The following DPYD variants were observed in gnomAD, a reference collection of about 807,000 sequenced individuals.
DPYD encodes the protein dihydropyrimidine dehydrogenase, also known as dihydropyrimidine dehydrogenase [NADP(+)].
Under a neutral mutation model 116.2 loss-of-function variants are expected in DPYD, and 109 were observed. The observed-to-expected ratio is 0.94, with a 90% CI of 0.80 to 1.10. The LOEUF is 1.10. Ranked by LOEUF, DPYD falls within the 50% of genes least tolerant of loss-of-function variation. DPYD has a pLI of 0.00. For synonymous variants in DPYD, 440 were observed against 432.0 expected (o/e 1.02, Z -0.23); for missense variants, 1,302 against 1,254.5 (o/e 1.04, Z -0.57).
rs559328656 is a variant in DPYD, at chr1:97,630,520, C to G, written c.851-35354G>C. On this transcript the variant is annotated intron_variant, in intron 8 of 22. Transcript: ENST00000370192. ...TCCTGCAGCTCGAAGCTAACAAGAC[C>G]CTGAACTGCTGCTTCTCTAGGACCT... 2.3e-3 allele frequency among the ~76,000 whole-genome samples: 344 copies of G among 152,186 alleles called. 4 individuals carry two copies. Among genetic ancestry groups the G allele is most frequent in the African/African-American group, 7.8e-3 (322 of 41,534 alleles).
chr1:97,480,152 A>G (rs1276954862), intron 13 of DPYD, among the ~76,000 whole-genome samples: 1 of 152,180 alleles, frequency 6.6e-6, no homozygotes, highest in Non-Finnish European at 1.5e-5. Context: ...AGAAATTTTA[A>G]ATCTATAAGG....
At chr1:97,321,924 G>T (rs1380086097) in intron 16 of DPYD, among the ~76,000 whole-genome samples, 1 of 35,454 alleles carries the variant, frequency 2.8e-5, no homozygotes, top group Non-Finnish European at 6.2e-5. Flanking sequence ...ATGAGTTCAT[G>T]TCCTTTGTAG....
chr1:97,616,867 T>G (rs1297441507), intron 8 of DPYD, among the ~76,000 whole-genome samples: 2 of 152,182 alleles, frequency 1.3e-5, no homozygotes, highest in Non-Finnish European at 2.9e-5. Flanking sequence ...TGATTTCTCC[T>G]AAAATTAAGG....
At chr1:97,899,716 T>TTTGA (rs1673268140) in intron 1 of DPYD, among the ~76,000 whole-genome samples, 2 of 151,916 alleles carry the variant, frequency 1.3e-5, no homozygotes, top group African/African-American at 4.8e-5. Context: ...TGGCAATACG[T>TTTGA]AATTTCTTTA....
intron 12 of DPYD, among the ~76,000 whole-genome samples, chr1:97,527,156 G>T (rs2102009866): frequency 6.6e-6 from 1 of 151,238 alleles, no homozygotes; most frequent in East Asian, 2.0e-4. Context: ...TCGGCTCACT[G>T]CAAGATCTAC....
chr1:97,902,651 A>G (rs1329437562), intron 1 of DPYD, among the ~76,000 whole-genome samples: 3 of 151,952 alleles, frequency 2.0e-5, no homozygotes, highest in East Asian at 1.9e-4. Flanking sequence ...TTTAAAGATT[A>G]AGACTGAAAA....
intron 3 of DPYD, among the ~76,000 whole-genome samples, chr1:97,794,086 C>A (rs937580314): frequency 6.6e-6 from 1 of 151,954 alleles, no homozygotes; most frequent in East Asian, 1.9e-4. Flanking sequence ...TACAGGCATG[C>A]GCCACTATGC....
At chr1:97,089,193 C>A (rs1040184018) in intron 21 of DPYD, among the ~76,000 whole-genome samples, 1 of 152,126 alleles carries the variant, frequency 6.6e-6, no homozygotes, top group African/African-American at 2.4e-5. Context: ...CATTTTCCTA[C>A]GCAGAAATTC....
At chr1:97,331,590 A>T (rs1669010703) in intron 16 of DPYD, among the ~76,000 whole-genome samples, 1 of 152,196 alleles carries the variant, frequency 6.6e-6, no homozygotes, top group Non-Finnish European at 1.5e-5. Flanking sequence ...GGTTATGGGT[A>T]GGTAATGAGA....
rs544786672 is a variant in DPYD at position 97,466,100 on chromosome 1, T to C, written c.1741-15877A>G. On this transcript the variant is annotated intron_variant, in intron 13 of 22. Coordinates refer to ENST00000370192, the MANE Select transcript of DPYD (RefSeq NM_000110.4). ...TGGATGACATGGAGAGACCCTGTTT[T>C]TAAATAAATACATAAATTGATTGAG... Among the ~76,000 whole-genome samples the C allele has an allele frequency of 2.0e-5, 3 of 152,294 alleles. No individual in the cohort carries two copies. The East Asian group carries it at 5.8e-4, about 29-fold the overall frequency.
chr1:97,838,399 G>C (rs1420720883), intron 2 of DPYD, among the ~76,000 whole-genome samples: 1 of 152,144 alleles, frequency 6.6e-6, no homozygotes, highest in East Asian at 1.9e-4. Flanking sequence ...TATTTTCCTA[G>C]AACATTAGGT....
chr1:97,598,514 T>C (rs1008538046), intron 8 of DPYD, among the ~76,000 whole-genome samples: 1 of 152,020 alleles, frequency 6.6e-6, no homozygotes, highest in African/African-American at 2.4e-5. Flanking sequence ...GTTATTGAAG[T>C]TTTTGGTGTT....
intron 13 of DPYD, among the ~76,000 whole-genome samples, chr1:97,490,598 T>C (rs1170838249): frequency 1.3e-5 from 2 of 150,082 alleles, no homozygotes; most frequent in Non-Finnish European, 3.0e-5. Context: ...GTTTAATCTC[T>C]AGAATAAAAG....
chr1:97,920,970 TC>T lies in DPYD; in HGVS notation c.-49del, dbSNP rs1215723488. Reference sequence around the variant, plus strand: ...CTGCCAGTGACAAACCCTCCTTGCGTCCTCAAGCTCCAGCCAGAGAGCCAAG... The same window carrying T: ...CTGCCAGTGACAAACCCTCCTTGCGTCTCAAGCTCCAGCCAGAGAGCCAAG... On this transcript the variant is annotated 5_prime_UTR_variant, in exon 1 of 23. Transcript: ENST00000370192. The T allele has an allele frequency of 2.4e-5, 38 of 1,557,984 alleles. No homozygotes were observed. Among genetic ancestry groups the T allele is most frequent in the Non-Finnish European group, 3.1e-5 (36 of 1,150,708 alleles).
rs1381971733 is a variant in DPYD, at chr1:97,549,607, C to T, written c.1477G>A (p.Val493Met). 1 of 1,613,876 alleles carries T rather than the reference C, an allele frequency of 6.2e-7. No individual in the cohort carries two copies. Among genetic ancestry groups the T allele is most frequent in the African/African-American group, 1.3e-5 (1 of 75,030 alleles). ...VGLANTTVES[V>M]NDGKQASWYI... ...CAAGAAGCTTGCTTTCCATCATTCA[C>T]CGATTCCACTGTAGTGTTAGCCAAA... Residue 493 changes from valine to methionine, a missense_variant, in exon 12 of 23, where the codon GTG (valine) becomes ATG (methionine). Val to Met is a conservative substitution (Grantham distance 21). Transcript: ENST00000370192.
chr1:97,440,465 TTA>T (rs1343593919), intron 14 of DPYD, among the ~76,000 whole-genome samples: 1 of 152,124 alleles, frequency 6.6e-6, no homozygotes, highest in Non-Finnish European at 1.5e-5. Flanking sequence ...TATTATTCCA[TTA>T]TATATTGATT....
At chr1:97,188,307 A>G (rs1202146256) in intron 20 of DPYD, among the ~76,000 whole-genome samples, 1 of 152,164 alleles carries the variant, frequency 6.6e-6, no homozygotes, top group East Asian at 1.9e-4. Context: ...AAGTACAGTA[A>G]TTTGGCAGGT....
chr1:97,560,568 A>G (rs1249518470), intron 11 of DPYD, among the ~76,000 whole-genome samples: 1 of 152,132 alleles, frequency 6.6e-6, no homozygotes, highest in African/African-American at 2.4e-5. Flanking sequence ...CAAAAAAAAA[A>G]AAAAAAAATT....
intron 20 of DPYD, among the ~76,000 whole-genome samples, chr1:97,136,191 A>G (rs1226078407): frequency 6.6e-6 from 1 of 152,218 alleles, no homozygotes. Context: ...AAGGTTGGAA[A>G]TCCAGCATGA....
Sources: gnomAD v4.1 joint callset for allele counts (sites outside exome capture counted in the v4.1 genomes callset) on GRCh38, gnomAD v4.1.1 for gene constraint, MANE v1.5 for transcripts, NCBI Gene and HGNC (gene_info 2026-07-23, HGNC 2026-07-21) for gene names.